The following STXBP6 variants were observed in gnomAD, a reference collection of about 807,000 sequenced individuals.
STXBP6 encodes the protein syntaxin binding protein 6.
Under a neutral mutation model 26.9 loss-of-function variants are expected in STXBP6, and 21 were observed. That is an observed-to-expected ratio of 0.78 (90% CI 0.55 to 1.12). The LOEUF (loss-of-function observed/expected upper bound fraction) is 1.12, where lower values mean the gene tolerates loss of function less well. STXBP6 is among the 50% of genes most tolerant of loss of function. The probability of loss-of-function intolerance (pLI) is 0.00; values close to 1 mark genes in which losing one functional copy is unlikely to be tolerated. For missense variants in STXBP6, 232 were observed against 257.9 expected, an observed-to-expected ratio of 0.90 and a Z score of 0.69; for synonymous variants, 97 against 92.6, an observed-to-expected ratio of 1.05 and a Z score of -0.27.
intron 2 of STXBP6, among the ~76,000 whole-genome samples, chr14:24,859,782 T>C (rs956720564): frequency 1.1e-4 from 16 of 152,146 alleles, no homozygotes; most frequent in African/African-American, 3.1e-4. Flanking sequence ...GGCTTCAACA[T>C]TCACAGGGAA....
intron 4 of STXBP6, among the ~76,000 whole-genome samples, chr14:24,832,781 G>C (rs548494304): frequency 8.9e-4 from 136 of 152,268 alleles, no homozygotes; most frequent in Non-Finnish European, 1.5e-3. Context: ...CCAAAGGAAA[G>C]AATGACCAAC....
intron 2 of STXBP6, among the ~76,000 whole-genome samples, chr14:24,920,992 C>T (rs1165430466): frequency 6.6e-6 from 1 of 152,074 alleles, no homozygotes; most frequent in Non-Finnish European, 1.5e-5. Flanking sequence ...ACAGCAGACA[C>T]AAGGCACCAG....
At chr14:24,834,059 G>C (rs575845334) in intron 4 of STXBP6, among the ~76,000 whole-genome samples, 1 of 152,070 alleles carries the variant, frequency 6.6e-6, no homozygotes, top group Non-Finnish European at 1.5e-5. Context: ...GCAGTGGCAC[G>C]ATCATGGCTC....
At chr14:24,971,791 A>G (rs1380033010) in intron 2 of STXBP6, among the ~76,000 whole-genome samples, 1 of 152,088 alleles carries the variant, frequency 6.6e-6, no homozygotes, top group Non-Finnish European at 1.5e-5. Context: ...ATTTTTTTTA[A>G]TCTTTCACAG....
chr14:24,964,284 A>G (rs192893814), intron 2 of STXBP6, among the ~76,000 whole-genome samples: 145 of 152,344 alleles, frequency 9.5e-4, no homozygotes, highest in Middle Eastern at 3.4e-3. Flanking sequence ...GTGCTATTAC[A>G]GAGATGACAT....
At chr14:24,946,763 G>A (rs1055949034) in intron 2 of STXBP6, among the ~76,000 whole-genome samples, 4 of 152,192 alleles carry the variant, frequency 2.6e-5, no homozygotes, top group African/African-American at 9.7e-5. Context: ...TTTTTAATGG[G>A]CGACACAAAA....
intron 2 of STXBP6, among the ~76,000 whole-genome samples, chr14:24,895,295 A>G (rs193130702): frequency 1.2e-4 from 18 of 152,360 alleles, no homozygotes; most frequent in Admixed American, 1.2e-3. Flanking sequence ...AGGAATTCCA[A>G]CATGTTAACA....
At chr14:25,038,596 C>A (rs1183739302) in intron 1 of STXBP6, among the ~76,000 whole-genome samples, 1 of 152,014 alleles carries the variant, frequency 6.6e-6, no homozygotes, top group East Asian at 1.9e-4. Context: ...GACATAGGAA[C>A]CCTTAGAAGC....
chr14:24,870,772 C>T (rs552981891), intron 2 of STXBP6, among the ~76,000 whole-genome samples: 59 of 152,294 alleles, frequency 3.9e-4, no homozygotes, highest in African/African-American at 1.4e-3. Flanking sequence ...ACTCCCTACC[C>T]CATCACCACC....
rs552562019 is a variant in STXBP6 at position 24,945,139 on chromosome 14, ATTTTTTTTTTT to A, written c.154+29515_154+29525del. ...TGGCATGTATATGAACCAATTAGGA[ATTTTTTTTTTT>A]TTTTTTTTTTTTTTTTAGCAGATTC... On this transcript the variant is annotated intron_variant, in intron 2 of 5. Transcript: ENST00000323944. Among the ~76,000 whole-genome samples the A allele has an allele frequency of 9.9e-4, 100 of 100,720 alleles. 2 individuals are homozygous for A. Among genetic ancestry groups the A allele is most frequent in the African/African-American group, 3.3e-3 (90 of 27,542 alleles). The allele number at this position is 100,720 out of a possible 152,430, so 66.1% of individuals were successfully genotyped here.
chr14:24,842,273 G>A (rs1483829793), intron 4 of STXBP6, among the ~76,000 whole-genome samples: 1 of 152,190 alleles, frequency 6.6e-6, no homozygotes, highest in East Asian at 1.9e-4. Flanking sequence ...GGGCTAAGAA[G>A]ACTTGGTACC....
chr14:24,947,725 T>C (rs2140033765), intron 2 of STXBP6, among the ~76,000 whole-genome samples: 1 of 152,260 alleles, frequency 6.6e-6, no homozygotes, highest in East Asian at 1.9e-4. Flanking sequence ...ATATTATAGC[T>C]AAAGTTTAAT....
Position 25,049,061 on chromosome 14 carries a change from G to A in STXBP6, c.-33+817C>T. The A allele has an allele frequency of 1.4e-6, 1 of 709,510 alleles. No homozygotes were observed. The highest frequency in any genetic ancestry group is 1.7e-6 in the Non-Finnish European group (1 of 577,666). 44.0% of individuals were successfully genotyped at this position (709,510 alleles called of 1,614,324 possible). ...CCAGAACCAAGGGCAGATACACCCCGGGGACTTTCTCCTAAAGAACAAGAT... is the reference window on the plus strand; with the variant it reads ...CCAGAACCAAGGGCAGATACACCCCAGGGACTTTCTCCTAAAGAACAAGAT... On this transcript the variant is annotated intron_variant, in intron 1 of 5. Transcript: ENST00000323944. The surrounding 1 kb of genome is among the most constrained non-coding windows in gnomAD (Gnocchi z 5.6).
chr14:24,940,221 G>A (rs1244291860), intron 2 of STXBP6, among the ~76,000 whole-genome samples: 1 of 152,164 alleles, frequency 6.6e-6, no homozygotes, highest in Non-Finnish European at 1.5e-5. Flanking sequence ...CCCAGTATAA[G>A]GTATCGTGAC....
intron 4 of STXBP6, among the ~76,000 whole-genome samples, chr14:24,842,322 G>A (rs1231828636): frequency 1.3e-5 from 2 of 152,144 alleles, no homozygotes; most frequent in Non-Finnish European, 2.9e-5. Flanking sequence ...ACTTTGCATG[G>A]GTGCACTTGT....
At chr14:24,846,560 C>T (rs1351071558) in intron 4 of STXBP6, among the ~76,000 whole-genome samples, 1 of 152,102 alleles carries the variant, frequency 6.6e-6, no homozygotes, top group South Asian at 2.1e-4. Flanking sequence ...TAAAGGTTGC[C>T]AGATAAAAAT....
intron 2 of STXBP6, among the ~76,000 whole-genome samples, chr14:24,884,629 C>T (rs1341522754): frequency 4.6e-5 from 7 of 152,194 alleles, no homozygotes; most frequent in Admixed American, 3.9e-4. Context: ...TGTGTCTTCT[C>T]CCAAAGCATA....
chr14:24,979,832 C>T (rs1197486385), intron 1 of STXBP6, among the ~76,000 whole-genome samples: 15 of 152,176 alleles, frequency 9.9e-5, no homozygotes, highest in Non-Finnish European at 1.5e-5. Context: ...CATCCCCGGC[C>T]TGAATAATTT....
chr14:24,964,065 G>A (rs547338805), intron 2 of STXBP6, among the ~76,000 whole-genome samples: 4 of 151,010 alleles, frequency 2.6e-5, no homozygotes, highest in Non-Finnish European at 5.9e-5. Context: ...TGAGCCCAGA[G>A]TTCAGGCAGT....
Sources: gnomAD v4.1 joint callset for allele counts (sites outside exome capture counted in the v4.1 genomes callset) on GRCh38, gnomAD v4.1.1 for gene constraint, Gnocchi (gnomAD v3.1) non-coding constraint, MANE v1.5 for transcripts, NCBI Gene and HGNC (gene_info 2026-07-23, HGNC 2026-07-21) for gene names.